CSMD1: variants seen among roughly 807,000 people sequenced by gnomAD.
CSMD1 encodes CUB and Sushi multiple domains 1.
CSMD1 carries 213 observed loss-of-function variants against 417.5 expected under a neutral mutation model. The observed-to-expected ratio is 0.51, with a 90% CI of 0.46 to 0.57. The LOEUF is 0.57. Ranked by LOEUF, CSMD1 falls within the 20% of genes least tolerant of loss-of-function variation. CSMD1 has a pLI of 0.00. For missense variants in CSMD1, 6,923 were observed against 4,529.7 expected (o/e 1.53, Z -15.17); for synonymous variants, 2,862 against 1,736.8 (o/e 1.65, Z -16.11).
intron 3 of CSMD1, among the ~76,000 whole-genome samples, chr8:4,414,525 A>C (rs896687152): frequency 6.6e-6 from 1 of 152,212 alleles, no homozygotes; most frequent in Non-Finnish European, 1.5e-5. Flanking sequence ...CTGCTTATGC[A>C]TAGTTTATAA....
chr8:4,567,865 T>C (rs1798689644), intron 2 of CSMD1, among the ~76,000 whole-genome samples: 1 of 152,222 alleles, frequency 6.6e-6, no homozygotes, highest in Non-Finnish European at 1.5e-5. Flanking sequence ...ATAAGCATGC[T>C]GAGTAAGAAT....
intron 1 of CSMD1, among the ~76,000 whole-genome samples, chr8:4,950,712 T>G (rs1194998416): frequency 1.3e-5 from 2 of 151,768 alleles, no homozygotes; most frequent in Admixed American, 6.6e-5. Context: ...ATAAAAAGAG[T>G]TGGTCATTGA....
At chr8:4,882,164 C>T (rs917805702) in intron 1 of CSMD1, among the ~76,000 whole-genome samples, 1 of 152,020 alleles carries the variant, frequency 6.6e-6, no homozygotes, top group African/African-American at 2.4e-5. Flanking sequence ...TGCTGGAAAT[C>T]CCAGTCTCCT....
intron 5 of CSMD1, among the ~76,000 whole-genome samples, chr8:3,927,442 G>A (rs796203550): frequency 6.6e-5 from 10 of 152,020 alleles, no homozygotes; most frequent in African/African-American, 2.2e-4. Context: ...CGAGGCAGGT[G>A]GATCACAAGG....
chr8:3,546,658 T>C (rs1343096560), intron 10 of CSMD1, among the ~76,000 whole-genome samples: 2 of 152,046 alleles, frequency 1.3e-5, no homozygotes, highest in East Asian at 3.9e-4. Context: ...AAAAAATTAC[T>C]CATCAATGGG....
chr8:3,345,407 AGT>A (rs1807923136), intron 22 of CSMD1, among the ~76,000 whole-genome samples: 1 of 152,086 alleles, frequency 6.6e-6, no homozygotes, highest in South Asian at 2.1e-4. Flanking sequence ...CCCCAGAGAA[AGT>A]GTATGTCGTT....
intron 2 of CSMD1, among the ~76,000 whole-genome samples, chr8:4,499,711 A>C (rs1802158259): frequency 6.6e-6 from 1 of 152,270 alleles, no homozygotes; most frequent in Non-Finnish European, 1.5e-5. Flanking sequence ...TTGAAGTTAA[A>C]GTGAAGTTGA....
At chr8:3,183,224 GTTTC>G (rs1381184395) in intron 36 of CSMD1, 5 of 129,532 alleles carry the variant, frequency 3.9e-5, no homozygotes, top group African/African-American at 1.4e-4. Context: ...GGTCTCTAAC[GTTTC>G]TTAACGATAC....
chr8:4,464,713 T>C (rs951255743), intron 2 of CSMD1, among the ~76,000 whole-genome samples: 1 of 152,004 alleles, frequency 6.6e-6, no homozygotes, highest in African/African-American at 2.4e-5. Flanking sequence ...TGTGTTTTAA[T>C]GTATCTACAC....
intron 7 of CSMD1, among the ~76,000 whole-genome samples, chr8:3,668,920 A>T (rs1196018370): frequency 1.3e-5 from 2 of 152,196 alleles, no homozygotes; most frequent in Non-Finnish European, 2.9e-5. Context: ...CCTCAGCCAT[A>T]GCTCTTTGAG....
chr8:3,754,160 G>A (rs551028189), intron 5 of CSMD1, 118 bp from the exon 6 acceptor site: 2 of 596,170 alleles, frequency 3.4e-6, no homozygotes, highest in African/African-American at 1.9e-5. Context: ...GCTTAAAACA[G>A]AGGCCATGTA....
rs200895429 is a variant in CSMD1 at position 3,647,590 on chromosome 8, A to G, written c.1010-30793T>C. Among the ~76,000 whole-genome samples, 5 of 152,320 alleles carry G rather than the reference A, an allele frequency of 3.3e-5. No homozygotes were observed. In the East Asian group the frequency reaches 7.7e-4, roughly 24 times the overall value. ...AATACGGCATAAAGAAAAACACAGC[A>G]TGTTGGAACCACTGGCAACATTTGA... On this transcript the variant is annotated intron_variant, in intron 7 of 69. Coordinates refer to ENST00000635120, the MANE Select transcript of CSMD1 (RefSeq NM_033225.6).
chr8:3,479,884 G>C lies in CSMD1; in HGVS notation c.1449-11060C>G, dbSNP rs186776567. ...AGATGAAAAAAAACGATAAATCTAA[G>C]TAAAGAAATAAGTTATAAAAATGAA... On this transcript the variant is annotated intron_variant, in intron 11 of 69. Transcript: ENST00000635120. Among the ~76,000 whole-genome samples the C allele has an allele frequency of 4.6e-4, 70 of 152,002 alleles. 2 individuals are homozygous for C. The South Asian group carries it at 6.9e-3, about 15-fold the overall frequency.
chr8:3,293,231 G>C (rs1053225904), intron 25 of CSMD1, among the ~76,000 whole-genome samples: 12 of 151,976 alleles, frequency 7.9e-5, no homozygotes, highest in East Asian at 3.9e-4. Context: ...GTGGGTAACC[G>C]GACCTTTCTC....
At chr8:3,235,877 T>C (rs560013183) in intron 26 of CSMD1, among the ~76,000 whole-genome samples, 2 of 151,322 alleles carry the variant, frequency 1.3e-5, no homozygotes, top group Non-Finnish European at 2.9e-5. Context: ...TGCATCTACA[T>C]AATTAGCTCG....
At chr8:4,166,706 G>C (rs1181518627) in intron 3 of CSMD1, among the ~76,000 whole-genome samples, 1 of 151,964 alleles carries the variant, frequency 6.6e-6, no homozygotes, top group African/African-American at 2.4e-5. Flanking sequence ...CAGCTCTAAA[G>C]AACATATCTA....
intron 3 of CSMD1, among the ~76,000 whole-genome samples, chr8:4,176,471 C>T (rs1165277375): frequency 6.6e-6 from 1 of 152,028 alleles, no homozygotes; most frequent in Non-Finnish European, 1.5e-5. Flanking sequence ...CTCATCCTGG[C>T]ACCTTCTAAC....
chr8:4,828,662 T>C (rs1281040267), intron 1 of CSMD1, among the ~76,000 whole-genome samples: 2 of 152,138 alleles, frequency 1.3e-5, no homozygotes, highest in African/African-American at 4.8e-5. Flanking sequence ...GGGTTGGCAA[T>C]ATACATTGAC....
At chr8:4,935,204 C>T (rs1807524588) in intron 1 of CSMD1, among the ~76,000 whole-genome samples, 1 of 152,210 alleles carries the variant, frequency 6.6e-6, no homozygotes, top group Non-Finnish European at 1.5e-5. Flanking sequence ...GCTCTGCCTT[C>T]CCATATGTGG....
Sources: gnomAD v4.1 joint callset for allele counts (sites outside exome capture counted in the v4.1 genomes callset) on GRCh38, gnomAD v4.1.1 for gene constraint, MANE v1.5 for transcripts, NCBI Gene and HGNC (gene_info 2026-07-23, HGNC 2026-07-21) for gene names.